The following MEF2A variants were observed in gnomAD, a reference collection of about 807,000 sequenced individuals.
The protein encoded by MEF2A is myocyte enhancer factor 2A.
Under a neutral mutation model 55.8 loss-of-function variants are expected in MEF2A, and 28 were observed. The observed-to-expected ratio is 0.50, with a 90% CI of 0.37 to 0.69. MEF2A has a LOEUF of 0.69. Ranked by LOEUF, MEF2A falls within the 30% of genes least tolerant of loss-of-function variation. The probability of loss-of-function intolerance (pLI) is 0.00; values close to 1 mark genes in which losing one functional copy is unlikely to be tolerated. For missense variants in MEF2A, 528 were observed against 626.2 expected, an observed-to-expected ratio of 0.84 and a Z score of 1.67; for synonymous variants, 239 against 227.1, an observed-to-expected ratio of 1.05 and a Z score of -0.47.
At chr15:99,606,685 T>C (rs1414598651) in intron 2 of MEF2A, among the ~76,000 whole-genome samples, 1 of 152,198 alleles carries the variant, frequency 6.6e-6, no homozygotes, top group African/African-American at 2.4e-5. Flanking sequence ...GGCTCCACCA[T>C]ATGCCCACTA....
chr15:99,677,704 A>G (rs1330119643), intron 7 of MEF2A, among the ~76,000 whole-genome samples: 1 of 152,190 alleles, frequency 6.6e-6, no homozygotes. Flanking sequence ...CAAAAAAGCC[A>G]CAAATTGGGA....
At chr15:99,634,362 T>C (rs2153420263) in intron 3 of MEF2A, among the ~76,000 whole-genome samples, 1 of 152,276 alleles carries the variant, frequency 6.6e-6, no homozygotes, top group East Asian at 1.9e-4. Context: ...GTTGGTACAA[T>C]AGGGAAGATT....
chr15:99,567,665 A>G lies in MEF2A; in HGVS notation c.-225+1561A>G, dbSNP rs5814942. 5.3e-4 allele frequency among the ~76,000 whole-genome samples: 53 copies of G among 100,850 alleles called. No homozygotes were observed. The East Asian group carries it at 7.5e-3, about 14-fold the overall frequency. 66.2% of individuals were successfully genotyped at this position (100,850 alleles called of 152,430 possible). Reference sequence around the variant, plus strand: ...TGTGTGTGTGTGTGTGTGTGTGTGTATTTTTGGAGAGCTCAGTCTCCATTT... The same window carrying G: ...TGTGTGTGTGTGTGTGTGTGTGTGTGTTTTTGGAGAGCTCAGTCTCCATTT... On this transcript the variant is annotated intron_variant, in intron 1 of 11. Coordinates refer to ENST00000557942, the MANE Select transcript of MEF2A (RefSeq NM_001319206.4).
Position 99,629,820 on chromosome 15 carries a change from G to A in MEF2A, c.-142-3158G>A, listed in dbSNP as rs566853290. Among the ~76,000 whole-genome samples, 383 of 152,110 alleles carry A rather than the reference G, an allele frequency of 2.5e-3. 3 individuals are homozygous for A. Among genetic ancestry groups the A allele is most frequent in the African/African-American group, 8.8e-3 (365 of 41,496 alleles). ...CCGGGCGTGGTGGCACGTGCCTGTA[G>A]CCCCAGCTACTTGGGAGGCTGAGGC... On this transcript the variant is annotated intron_variant, in intron 2 of 11. Transcript: ENST00000557942.
intron 8 of MEF2A, among the ~76,000 whole-genome samples, chr15:99,697,405 G>A (rs2056647116): frequency 6.6e-6 from 1 of 151,330 alleles, no homozygotes; most frequent in Non-Finnish European, 1.5e-5. Flanking sequence ...AGGGTACAAA[G>A]TTAATATATA....
intron 2 of MEF2A, among the ~76,000 whole-genome samples, chr15:99,628,102 C>T (rs1265206672): frequency 1.3e-5 from 2 of 152,180 alleles, no homozygotes; most frequent in African/African-American, 4.8e-5. Flanking sequence ...AGATTCCTAA[C>T]TGTAAGTGTT....
intron 2 of MEF2A, among the ~76,000 whole-genome samples, chr15:99,601,510 G>GTTT (rs34835966): frequency 3.5e-5 from 4 of 113,862 alleles, no homozygotes; most frequent in South Asian, 3.0e-4. Flanking sequence ...CTTGGTCAGA[G>GTTT]TTTTTTTTTT....
intron 4 of MEF2A, among the ~76,000 whole-genome samples, chr15:99,666,615 AGAT>A (rs2049817359): frequency 6.7e-6 from 1 of 150,090 alleles, no homozygotes; most frequent in Admixed American, 6.7e-5. Context: ...AATAATAAAA[AGAT>A]CAGCAAAGAA....
At chr15:99,688,674 G>A (rs2054769350) in intron 7 of MEF2A, among the ~76,000 whole-genome samples, 1 of 152,100 alleles carries the variant, frequency 6.6e-6, no homozygotes. Flanking sequence ...GGAGAATGGC[G>A]TGAACCCAGG....
chr15:99,569,262 T>TGAA (rs1422427176), intron 1 of MEF2A, among the ~76,000 whole-genome samples: 12 of 152,382 alleles, frequency 7.9e-5, no homozygotes, highest in Admixed American at 7.8e-4. Flanking sequence ...ACACACTGCG[T>TGAA]GAAGCTTCAT....
At position 99,706,190 on chromosome 15, in the gene MEF2A, C is replaced by G. The variant is rs561307183; in HGVS notation, c.883-539C>G. ...ACTATGAAGGGATACATGTCCGAAT[C>G]TGTTGTTAAAAAATAGGTCAACTGC... is the stretch of plus-strand genomic sequence containing the variant. On this transcript the variant is annotated intron_variant, in intron 9 of 11. Coordinates refer to ENST00000557942, the MANE Select transcript of MEF2A (RefSeq NM_001319206.4). Among the ~76,000 whole-genome samples the G allele has an allele frequency of 1.2e-4, 18 of 152,320 alleles. No homozygotes were observed. In the South Asian group the frequency reaches 1.7e-3, roughly 14 times the overall value.
intron 1 of MEF2A, among the ~76,000 whole-genome samples, chr15:99,577,229 T>A (rs1964580546): frequency 6.6e-6 from 1 of 152,232 alleles, no homozygotes; most frequent in African/African-American, 2.4e-5. Context: ...ATTATGCTTC[T>A]GATCCAGGAG....
At chr15:99,666,436 A>G (rs2049726001) in intron 4 of MEF2A, among the ~76,000 whole-genome samples, 1 of 151,904 alleles carries the variant, frequency 6.6e-6, no homozygotes, top group Admixed American at 6.6e-5. Context: ...GGGGCTTGTC[A>G]GGGAGTGGGG....
chr15:99,616,070 A>T (rs998100370), intron 2 of MEF2A, among the ~76,000 whole-genome samples: 3 of 152,204 alleles, frequency 2.0e-5, no homozygotes, highest in African/African-American at 7.2e-5. Context: ...GTTCCCATAT[A>T]TCAAGCCACA....
intron 2 of MEF2A, among the ~76,000 whole-genome samples, chr15:99,604,987 T>A (rs981488720): frequency 1.1e-4 from 16 of 152,200 alleles, no homozygotes; most frequent in African/African-American, 3.9e-4. Flanking sequence ...GCTCTGTCGC[T>A]CATCCTGGAG....
chr15:99,574,394 T>A (rs1963587858), intron 1 of MEF2A, among the ~76,000 whole-genome samples: 1 of 152,226 alleles, frequency 6.6e-6, no homozygotes, highest in African/African-American at 2.4e-5. Flanking sequence ...ACATTTATTG[T>A]ACACTTTATT....
Position 99,710,665 on chromosome 15 carries a change from C to A in MEF2A, c.1041C>A (p.Ala347=), listed in dbSNP as rs753544985. The change falls in exon 11 of 12, where the codon GCC becomes GCA. Residue 347 remains alanine (A), a synonymous_variant. Coordinates refer to ENST00000557942, the MANE Select transcript of MEF2A (RefSeq NM_001319206.4). ...CACTGACCAGCGCTGACCTGTCAGC[C>A]CTTCAAGGCTTCAACTCGCCAGGAA... ...DYSLTSADLS[A]LQGFNSPGML... is the part of the protein sequence containing the mutation. The A allele has an allele frequency of 6.2e-7, 1 of 1,613,648 alleles. No homozygotes were observed. The highest frequency in any genetic ancestry group is 8.5e-7 in the Non-Finnish European group (1 of 1,179,568).
At chr15:99,656,594 T>C (rs929761820) in intron 4 of MEF2A, among the ~76,000 whole-genome samples, 2 of 152,124 alleles carry the variant, frequency 1.3e-5, no homozygotes, top group African/African-American at 4.8e-5. Context: ...GTGTGATAAC[T>C]TCATGATTGG....
At chr15:99,680,407 T>G (rs569156082) in intron 7 of MEF2A, among the ~76,000 whole-genome samples, 1 of 152,214 alleles carries the variant, frequency 6.6e-6, no homozygotes, top group Admixed American at 6.5e-5. Flanking sequence ...TATTGTGATA[T>G]TCAGTGCTAA....
Sources: gnomAD v4.1 joint callset for allele counts (sites outside exome capture counted in the v4.1 genomes callset) on GRCh38, gnomAD v4.1.1 for gene constraint, MANE v1.5 for transcripts, NCBI Gene and HGNC (gene_info 2026-07-23, HGNC 2026-07-21) for gene names.